Variants in POU6F2 observed in about 807,000 individuals in gnomAD.
POU6F2 encodes POU domain, class 6, transcription factor 2.
In POU6F2, 31 loss-of-function variants were observed where a neutral mutation model predicts 71.3. The ratio of observed to expected loss-of-function variants is 0.43; its 90% CI spans 0.33 to 0.59. The LOEUF (loss-of-function observed/expected upper bound fraction) is 0.59. POU6F2 is among the 20% of genes least tolerant of loss of function. The pLI, the probability that POU6F2 is intolerant of heterozygous loss-of-function variation, is 0.04. For synonymous variants in POU6F2, 347 were observed against 355.7 expected (o/e 0.98, Z 0.27); for missense variants, 783 against 856.8 (o/e 0.91, Z 1.07).
rs535025101 is a variant in POU6F2, at chr7:39,123,685, G to A, written c.277+37654G>A. Among the ~76,000 whole-genome samples, 17 of 152,006 alleles carry A rather than the reference G, an allele frequency of 1.1e-4. No homozygotes were observed. In the South Asian group the frequency reaches 3.3e-3, roughly 30 times the overall value. ...CTTGCTCATTTTCAGGATGTCTTGG[G>A]TATTTTTAAGGCTTCTATTATGACT... On this transcript the variant is annotated intron_variant, in intron 2 of 9. Transcript: ENST00000518318.
intron 1 of POU6F2, among the ~76,000 whole-genome samples, chr7:39,048,758 T>G (rs531778318): frequency 6.6e-6 from 1 of 152,024 alleles, no homozygotes; most frequent in Non-Finnish European, 1.5e-5. Flanking sequence ...ATTACCAAAC[T>G]GCTTTCCACA....
intron 5 of POU6F2, among the ~76,000 whole-genome samples, chr7:39,387,192 A>G (rs1786963544): frequency 6.6e-6 from 1 of 152,222 alleles, no homozygotes; most frequent in African/African-American, 2.4e-5. Flanking sequence ...TCTCCATGAC[A>G]AGACACACAC....
chr7:39,255,235 A>G (rs1276160101), intron 4 of POU6F2, among the ~76,000 whole-genome samples: 1 of 152,230 alleles, frequency 6.6e-6, no homozygotes, highest in Non-Finnish European at 1.5e-5. Flanking sequence ...ATAAACATTT[A>G]CTGTTGTGAA....
chr7:39,290,093 T>C (rs1006030877), intron 4 of POU6F2, among the ~76,000 whole-genome samples: 1 of 152,214 alleles, frequency 6.6e-6, no homozygotes, highest in African/African-American at 2.4e-5. Context: ...TAAGGAAAAG[T>C]ATTTTTTAAC....
intron 4 of POU6F2, among the ~76,000 whole-genome samples, chr7:39,315,374 C>T (rs1157774975): frequency 7.9e-5 from 12 of 152,082 alleles, no homozygotes; most frequent in Admixed American, 7.2e-4. Flanking sequence ...GCAAATGAAG[C>T]CCCAGGGGTT....
intron 2 of POU6F2, among the ~76,000 whole-genome samples, chr7:39,203,700 G>A (rs12531464): frequency 0.37 from 56,765 of 151,998 alleles, 10,922 homozygotes; most frequent in South Asian, 0.49. Context: ...ACACTTGCTT[G>A]GGGAGAGCCA....
At chr7:39,455,428 T>G (rs79180522) in intron 8 of POU6F2, among the ~76,000 whole-genome samples, 2 of 152,326 alleles carry the variant, frequency 1.3e-5, no homozygotes, top group African/African-American at 4.8e-5. Flanking sequence ...GCAAAAATAC[T>G]GTTCTCCCAA....
rs1050762982 is a variant in POU6F2 at position 39,466,568 on chromosome 7, A to G, written c.*1882A>G. 6.6e-6 allele frequency: 1 copy of G among 152,264 alleles called. No homozygotes were observed. The highest frequency in any genetic ancestry group is 2.4e-5 in the African/African-American group (1 of 41,482). The allele number at this position is 152,264 out of a possible 1,614,324, so 9.4% of individuals were successfully genotyped here. A position where few individuals can be genotyped will look rare whatever the true frequency, so the allele number is the denominator to read the frequency against. ...GAGAAACCCAATCTCAAGTTGCCCA[A>G]CTGATTAGAAATGCCATCTCCTTCC... is the stretch of plus-strand genomic sequence containing the variant. On this transcript the variant is annotated 3_prime_UTR_variant, in exon 10 of 10. Transcript: ENST00000518318.
At chr7:39,351,868 C>G (rs969113641) in intron 5 of POU6F2, among the ~76,000 whole-genome samples, 2 of 152,172 alleles carry the variant, frequency 1.3e-5, no homozygotes, top group Non-Finnish European at 2.9e-5. Flanking sequence ...ATGTCAAAAC[C>G]TCACCCACTG....
rs1197884825 is a variant in POU6F2, at chr7:39,116,580, T to G, written c.277+30549T>G. ...TAGGGAGGCTAACTGTTTAATATTA[T>G]GCAGCCAATAAATGGAAGTGAGTTT... On this transcript the variant is annotated intron_variant, in intron 2 of 9. Coordinates refer to ENST00000518318, the MANE Select transcript of POU6F2 (RefSeq NM_001370959.1). Among the ~76,000 whole-genome samples, 3 of 152,216 alleles carry G rather than the reference T, an allele frequency of 2.0e-5. No individual in the cohort carries two copies. In the East Asian group the frequency reaches 5.8e-4, roughly 29 times the overall value.
At chr7:39,180,856 C>G (rs1247685027) in intron 2 of POU6F2, among the ~76,000 whole-genome samples, 1 of 152,146 alleles carries the variant, frequency 6.6e-6, no homozygotes, top group Non-Finnish European at 1.5e-5. Context: ...CCTTTGCCTT[C>G]CAGAGCACCT....
At chr7:39,091,765 A>G (rs1791366702) in intron 2 of POU6F2, among the ~76,000 whole-genome samples, 1 of 152,226 alleles carries the variant, frequency 6.6e-6, no homozygotes, top group Admixed American at 6.5e-5. Context: ...TACAGCTAGC[A>G]TTCCCCTTCT....
chr7:39,334,525 AG>A (rs112344910), intron 4 of POU6F2, among the ~76,000 whole-genome samples: 260 of 151,996 alleles, frequency 1.7e-3, no homozygotes, highest in African/African-American at 2.7e-3. Flanking sequence ...AAAAAAAAAA[AG>A]AATAAAGGCA....
chr7:39,340,892 C>T (rs774272861), intron 5 of POU6F2, among the ~76,000 whole-genome samples: 10 of 152,182 alleles, frequency 6.6e-5, no homozygotes, highest in Non-Finnish European at 1.3e-4. Flanking sequence ...TCAGCCAAGC[C>T]ATCCATTCTT....
intron 5 of POU6F2, among the ~76,000 whole-genome samples, chr7:39,397,374 G>C (rs980669412): frequency 1.3e-4 from 19 of 147,402 alleles, no homozygotes; most frequent in Admixed American, 7.5e-4. Flanking sequence ...AATATATAGA[G>C]AGACAAATAT....
intron 2 of POU6F2, among the ~76,000 whole-genome samples, chr7:39,195,395 T>C (rs1322597661): frequency 6.6e-6 from 1 of 152,232 alleles, no homozygotes; most frequent in Non-Finnish European, 1.5e-5. Context: ...TAACTCATGC[T>C]TAAATCATAT....
chr7:39,112,614 G>A (rs1309259518), intron 2 of POU6F2, among the ~76,000 whole-genome samples: 1 of 151,968 alleles, frequency 6.6e-6, no homozygotes, highest in African/African-American at 2.4e-5. Flanking sequence ...TAAGAATTGA[G>A]TGTTTTTTTT....
At chr7:39,017,132 C>CTAGG (rs1789574050) in intron 1 of POU6F2, among the ~76,000 whole-genome samples, 1 of 152,142 alleles carries the variant, frequency 6.6e-6, no homozygotes, top group South Asian at 2.1e-4. Context: ...GTGTCCTCTT[C>CTAGG]CCTATCCCAT....
intron 1 of POU6F2, among the ~76,000 whole-genome samples, chr7:38,992,578 A>T (rs962058555): frequency 2.0e-5 from 3 of 152,310 alleles, no homozygotes; most frequent in African/African-American, 7.2e-5. Context: ...AGGAGTTTAC[A>T]CTGACTAGAT....
Sources: gnomAD v4.1 joint callset for allele counts (sites outside exome capture counted in the v4.1 genomes callset) on GRCh38, gnomAD v4.1.1 for gene constraint, MANE v1.5 for transcripts, NCBI Gene and HGNC (gene_info 2026-07-23, HGNC 2026-07-21) for gene names.